GATAD1: variants seen among roughly 807,000 people sequenced by gnomAD.
GATAD1 encodes the protein GATA zinc finger domain containing 1, also known as GATA zinc finger domain-containing protein 1.
GATAD1 carries 12 observed loss-of-function variants against 26.5 expected under a neutral mutation model. The ratio of observed to expected loss-of-function variants is 0.45; its 90% CI spans 0.29 to 0.73. The LOEUF is 0.73. GATAD1 is among the 30% of genes least tolerant of loss of function. The probability of loss-of-function intolerance (pLI) is 0.10; values close to 1 mark genes in which losing one functional copy is unlikely to be tolerated. For missense variants in GATAD1, 266 were observed against 342.1 expected (o/e 0.78, Z 1.75); for synonymous variants, 129 against 133.1 (o/e 0.97, Z 0.21).
the GATAD1 span, among the ~76,000 whole-genome samples, chr7:92,477,210 G>C: frequency 2.0e-5 from 3 of 152,172 alleles, no homozygotes. Context: ...CCCCAACCCA[G>C]AAGGGTTGGG....
the GATAD1 span, among the ~76,000 whole-genome samples, chr7:92,488,681 A>C: frequency 6.4e-4 from 98 of 152,288 alleles, no homozygotes; most frequent in African/African-American, 2.3e-3. Context: ...ATACATTAGA[A>C]TCACTTTCAA....
the GATAD1 span, among the ~76,000 whole-genome samples, chr7:92,476,630 TCTGTCTCTCTCA>T: frequency 6.6e-6 from 1 of 152,014 alleles, no homozygotes; most frequent in African/African-American, 2.4e-5. Flanking sequence ...CTCTCTCTCT[TCTGTCTCTCTCA>T]CTGTCTCTCT....
chr7:92,468,346 C>G, the GATAD1 span: 1 of 170,678 alleles, frequency 5.9e-6, no homozygotes. Context: ...AGCGAAAGCT[C>G]AGCTCAAGCC....
At chr7:92,456,224 G>A (rs954949264) in intron 4 of GATAD1, 148 bp from the exon 5 acceptor site, 2 of 526,996 alleles carry the variant, frequency 3.8e-6, no homozygotes, top group Admixed American at 3.5e-5. Context: ...AAATGATTAA[G>A]AATAATTTCA....
At chr7:92,465,168 C>T in the GATAD1 span, 7 of 152,128 alleles carry the variant, frequency 4.6e-5, no homozygotes, top group Non-Finnish European at 8.8e-5. Flanking sequence ...AACTGCCATA[C>T]GTAGGATCCG....
rs1364873937 is a variant in GATAD1 at position 92,459,368 on chromosome 7, C to T, written c.*2806C>T. On this transcript the variant is annotated 3_prime_UTR_variant, in exon 5 of 5. Transcript: ENST00000287957. ...TTTTAAAAATCTATAAATTGATCATCTGTTTATAAATTGGCAGATGGTTGT... is the reference window on the plus strand; with the variant it reads ...TTTTAAAAATCTATAAATTGATCATTTGTTTATAAATTGGCAGATGGTTGT... 6.6e-6 allele frequency: 1 copy of T among 152,158 alleles called. No homozygotes were observed. Among genetic ancestry groups the T allele is most frequent in the Non-Finnish European group, 1.5e-5 (1 of 68,036 alleles). The allele number at this position is 152,158 out of a possible 1,614,324, so 9.4% of individuals were successfully genotyped here.
the GATAD1 span, chr7:92,491,597 C>T: frequency 7.8e-6 from 6 of 765,446 alleles, no homozygotes; most frequent in Non-Finnish European, 1.1e-5. Flanking sequence ...TAGAGCAATA[C>T]AAGAAACTTA....
At chr7:92,480,459 C>T in the GATAD1 span, among the ~76,000 whole-genome samples, 3 of 152,118 alleles carry the variant, frequency 2.0e-5, no homozygotes, top group Admixed American at 6.5e-5. Flanking sequence ...GCAGATGGAA[C>T]ACTGAGAAGT....
In GATAD1 at chr7:92,447,658, C is replaced by G; in HGVS notation, c.-72C>G. 7.5e-6 allele frequency: 10 copies of G among 1,336,118 alleles called. No homozygotes were observed. Among genetic ancestry groups the G allele is most frequent in the Non-Finnish European group, 9.6e-6 (10 of 1,041,592 alleles). 82.8% of individuals were successfully genotyped at this position (1,336,118 alleles called of 1,614,324 possible). A position where few individuals can be genotyped will look rare whatever the true frequency, so the allele number is the denominator to read the frequency against. On this transcript the variant is annotated 5_prime_UTR_variant, in exon 1 of 5. Transcript: ENST00000287957. ...CTATCGCCGGGAGTGGCGGGCCGAC[C>G]AGGGGGCGGCCGGGCTACCGTCCGC...
intron 3 of GATAD1, 83 bp from the exon 4 acceptor site, chr7:92,454,419 A>G (rs1789577394): frequency 9.8e-7 from 1 of 1,022,978 alleles, no homozygotes; most frequent in Non-Finnish European, 1.5e-6. Flanking sequence ...CACTTTGAAA[A>G]CTTGCTTACC....
At chr7:92,495,701 A>G in the GATAD1 span, among the ~76,000 whole-genome samples, 2 of 152,000 alleles carry the variant, frequency 1.3e-5, no homozygotes, top group Non-Finnish European at 2.9e-5. Context: ...TTTTTTCTTA[A>G]TCAAACTTGT....
chr7:92,494,458 C>G, the GATAD1 span: 1 of 1,612,364 alleles, frequency 6.2e-7, no homozygotes, highest in Non-Finnish European at 8.5e-7. Context: ...TTTGTTATAA[C>G]ATTCTATTTC....
chr7:92,463,151 T>A (rs907163432), downstream of GATAD1: 1 of 152,222 alleles, frequency 6.6e-6, no homozygotes, highest in Non-Finnish European at 1.5e-5. Flanking sequence ...AAATATTGTA[T>A]AATTCCACTT....
chr7:92,452,986 G>A (rs1436868921), intron 3 of GATAD1, among the ~76,000 whole-genome samples: 1 of 152,178 alleles, frequency 6.6e-6, no homozygotes, highest in Non-Finnish European at 1.5e-5. Flanking sequence ...CTGATGGCTG[G>A]GAGGAAGGAC....
the GATAD1 span, chr7:92,469,082 T>C: frequency 1.4e-6 from 1 of 703,226 alleles, no homozygotes; most frequent in Non-Finnish European, 2.6e-6. Flanking sequence ...GGTCCAGTGT[T>C]TCGAAGCTCC....
chr7:92,448,711 A>T, intron 1 of GATAD1, 41 bp from the exon 2 acceptor site: 2 of 1,556,216 alleles, frequency 1.3e-6, no homozygotes, highest in Admixed American at 1.7e-5. Flanking sequence ...TGCACTTTTT[A>T]CTTCTTTCTC....
the GATAD1 span, among the ~76,000 whole-genome samples, chr7:92,480,547 A>G: frequency 6.6e-6 from 1 of 152,192 alleles, no homozygotes; most frequent in African/African-American, 2.4e-5. Flanking sequence ...TGTAACCTAC[A>G]TGGAAGAGGT....
rs576944000 is a variant in GATAD1, at chr7:92,454,618, A to T, written c.552A>T (p.Ala184=). 1.2e-6 allele frequency: 2 copies of T among 1,613,638 alleles called. No homozygotes were observed. The highest frequency in any genetic ancestry group is 2.2e-5 in the South Asian group (2 of 91,048). Reference sequence around the variant, plus strand: ...ACCAGTATTGCGAGAAGAGTGCAGCACTGACGTGGCTCATTCCTACCCTCT... The same window carrying T: ...ACCAGTATTGCGAGAAGAGTGCAGCTCTGACGTGGCTCATTCCTACCCTCT... ...IQDQYCEKSA[A]LTWLIPTLSS... Residue 184 remains alanine, a synonymous_variant, in exon 4 of 5, where the codon GCA becomes GCT. Coordinates refer to ENST00000287957, the MANE Select transcript of GATAD1 (RefSeq NM_021167.5).
Position 92,447,910 on chromosome 7 carries a change from G to T in GATAD1, c.181G>T (p.Gly61Cys). 8.0e-7 allele frequency: 1 copy of T among 1,254,056 alleles called. No homozygotes were observed. Among genetic ancestry groups the T allele is most frequent in the Non-Finnish European group, 1.0e-6 (1 of 1,001,156 alleles). The allele number at this position is 1,254,056 out of a possible 1,614,324, so 77.7% of individuals were successfully genotyped here. Reference protein sequence around the residue: ...GTGGSGGGGFGAATFASTSAT... With the variant: ...GTGGSGGGGFCAATFASTSAT... ...TGGGGGCAGCGGCGGCGGCGGCTTCGGCGCGGCGACCTTCGCCAGCACCTC... is the reference window on the plus strand; with the variant it reads ...TGGGGGCAGCGGCGGCGGCGGCTTCTGCGCGGCGACCTTCGCCAGCACCTC... Residue 61 changes from glycine (G) to cysteine (C), a missense_variant, in exon 1 of 5, where the codon GGC (glycine) becomes TGC (cysteine). Physicochemically the swap from Gly to Cys is radical, Grantham distance 159. Coordinates refer to ENST00000287957, the MANE Select transcript of GATAD1 (RefSeq NM_021167.5).
Sources: allele counts gnomAD v4.1 joint callset (sites outside exome capture counted in the v4.1 genomes callset), GRCh38; gene constraint gnomAD v4.1.1; transcripts MANE v1.5; gene names NCBI Gene and HGNC (gene_info 2026-07-23, HGNC 2026-07-21).